The following RAB38 variants were observed in gnomAD, a reference collection of about 807,000 sequenced individuals.
RAB38 encodes ras-related protein Rab-38.
In RAB38, 15 loss-of-function variants were observed where a neutral mutation model predicts 18.4. The observed-to-expected ratio is 0.82, with a 90% confidence interval of 0.55 to 1.26. The LOEUF (loss-of-function observed/expected upper bound fraction) is 1.26. Among genes scored for constraint, RAB38 ranks in the 50% most tolerant of loss-of-function variants. RAB38 has a pLI of 0.00. For synonymous variants in RAB38, 101 were observed against 104.4 expected, an observed-to-expected ratio of 0.97 and a Z score of 0.20; for missense variants, 294 against 267.4, an observed-to-expected ratio of 1.10 and a Z score of -0.69.
At chr11:88,098,663 AT>A in the RAB38 span, 1 of 151,700 alleles carries the variant, frequency 6.6e-6, no homozygotes, top group Non-Finnish European at 1.5e-5. Context: ...TGGATTTTCT[AT>A]TTTACTAAAG....
chr11:87,855,769 A>G, the RAB38 span, among the ~76,000 whole-genome samples: 1 of 152,298 alleles, frequency 6.6e-6, no homozygotes, highest in East Asian at 1.9e-4. Context: ...TTCCAATTGT[A>G]AAATATTTTT....
At chr11:88,005,477 T>C in the RAB38 span, among the ~76,000 whole-genome samples, 1 of 151,422 alleles carries the variant, frequency 6.6e-6, no homozygotes, top group South Asian at 2.1e-4. Context: ...AAACTACATA[T>C]AGAAATTGTT....
the RAB38 span, among the ~76,000 whole-genome samples, chr11:87,878,230 TATATATACACACAC>T: frequency 8.2e-6 from 1 of 122,040 alleles, no homozygotes. Flanking sequence ...TATACACACA[TATATATACACACAC>T]ACCTATCATC....
chr11:88,136,359 C>T (rs563926239), intron 2 of RAB38, among the ~76,000 whole-genome samples: 6 of 152,180 alleles, frequency 3.9e-5, no homozygotes, highest in Non-Finnish European at 7.4e-5. Context: ...AATCTAAGGG[C>T]GCTTCAAATG....
At chr11:88,012,068 T>C in the RAB38 span, among the ~76,000 whole-genome samples, 1 of 152,172 alleles carries the variant, frequency 6.6e-6, no homozygotes, top group South Asian at 2.1e-4. Flanking sequence ...ACCTTAATCC[T>C]GGCCTGCCAT....
At chr11:87,969,945 C>A in the RAB38 span, among the ~76,000 whole-genome samples, 1 of 151,964 alleles carries the variant, frequency 6.6e-6, no homozygotes, top group African/African-American at 2.4e-5. Flanking sequence ...AAGCAGGTAG[C>A]CAAGCCATAT....
the RAB38 span, among the ~76,000 whole-genome samples, chr11:87,942,653 A>G: frequency 6.6e-6 from 1 of 152,174 alleles, no homozygotes; most frequent in African/African-American, 2.4e-5. Flanking sequence ...TATCATTTAT[A>G]ATAGACTAGA....
At chr11:87,929,101 C>T in the RAB38 span, among the ~76,000 whole-genome samples, 62 of 151,984 alleles carry the variant, frequency 4.1e-4, no homozygotes, top group African/African-American at 1.0e-3. Flanking sequence ...GGCAACAAAG[C>T]GAGACTCTGT....
At chr11:87,887,515 C>A in the RAB38 span, among the ~76,000 whole-genome samples, 2 of 151,866 alleles carry the variant, frequency 1.3e-5, no homozygotes, top group Non-Finnish European at 2.9e-5. Flanking sequence ...GGGTTAAAAC[C>A]CTCTCTTTCT....
the RAB38 span, among the ~76,000 whole-genome samples, chr11:88,038,024 T>C: frequency 0.017 from 2,600 of 152,284 alleles, 73 homozygotes; most frequent in African/African-American, 0.06. Context: ...TGTCTATGTA[T>C]ATAGAGAAAA....
chr11:88,031,180 G>T, the RAB38 span, among the ~76,000 whole-genome samples: 3 of 152,022 alleles, frequency 2.0e-5, no homozygotes, highest in Admixed American at 6.6e-5. Context: ...ATTCAAAAAC[G>T]CTTCATGCTA....
At chr11:88,004,067 T>G in the RAB38 span, among the ~76,000 whole-genome samples, 2 of 143,202 alleles carry the variant, frequency 1.4e-5, no homozygotes, top group South Asian at 2.2e-4. Flanking sequence ...ATATACCTTC[T>G]CAGAAAAGAA....
At chr11:87,841,029 C>T in the RAB38 span, among the ~76,000 whole-genome samples, 1 of 152,144 alleles carries the variant, frequency 6.6e-6, no homozygotes, top group Non-Finnish European at 1.5e-5. Context: ...CTCTGAGCCT[C>T]ATGTTCATTG....
chr11:87,941,246 T>TA, the RAB38 span, among the ~76,000 whole-genome samples: 2 of 135,518 alleles, frequency 1.5e-5, no homozygotes, highest in African/African-American at 5.5e-5. Context: ...TATATATATA[T>TA]GTAACTTCTA....
the RAB38 span, among the ~76,000 whole-genome samples, chr11:87,970,662 A>T: frequency 3.3e-5 from 5 of 152,146 alleles, no homozygotes; most frequent in South Asian, 1.0e-3. Flanking sequence ...TATCCATTTC[A>T]CTTCTGACAT....
chr11:88,150,697 A>T (rs750398575), intron 1 of RAB38, among the ~76,000 whole-genome samples: 2 of 152,222 alleles, frequency 1.3e-5, no homozygotes, highest in African/African-American at 2.4e-5. Flanking sequence ...TCTAAGTAAC[A>T]TTCTCAAATC....
the RAB38 span, among the ~76,000 whole-genome samples, chr11:87,889,690 T>C: frequency 2.6e-5 from 4 of 152,002 alleles, no homozygotes; most frequent in South Asian, 8.3e-4. Flanking sequence ...AGTAGCTAAA[T>C]AGAAGTGTCA....
At chr11:88,127,192 A>G (rs2134788821) in intron 2 of RAB38, among the ~76,000 whole-genome samples, 1 of 152,300 alleles carries the variant, frequency 6.6e-6, no homozygotes, top group African/African-American at 2.4e-5. Context: ...AATTCTTTAC[A>G]TTAAACAGAA....
chr11:87,934,951 G>A, the RAB38 span, among the ~76,000 whole-genome samples: 3 of 152,144 alleles, frequency 2.0e-5, no homozygotes, highest in South Asian at 2.1e-4. Context: ...AGAAGCTTGA[G>A]GAAGAGACTG....
Sources: allele counts gnomAD v4.1 joint callset (sites outside exome capture counted in the v4.1 genomes callset), GRCh38; gene constraint gnomAD v4.1.1; transcripts MANE v1.5; gene names NCBI Gene and HGNC (gene_info 2026-07-23, HGNC 2026-07-21).